The following LRMDA variants were observed in gnomAD, a reference collection of about 807,000 sequenced individuals.
LRMDA encodes leucine-rich melanocyte differentiation-associated protein.
In LRMDA, 18 loss-of-function variants were observed where a neutral mutation model predicts 29.8. The observed-to-expected ratio is 0.60, with a 90% CI of 0.42 to 0.90. LRMDA has a LOEUF of 0.90. Ranked by LOEUF, LRMDA falls within the 40% of genes least tolerant of loss-of-function variation. LRMDA has a pLI of 0.00. For missense variants in LRMDA, 273 were observed against 273.9 expected, an observed-to-expected ratio of 1.00 and a Z score of 0.02; for synonymous variants, 125 against 109.4, an observed-to-expected ratio of 1.14 and a Z score of -0.89.
chr10:75,469,386 T>C (rs1844699434), intron 2 of LRMDA, among the ~76,000 whole-genome samples: 1 of 152,044 alleles, frequency 6.6e-6, no homozygotes, highest in Admixed American at 6.6e-5. Flanking sequence ...CATTGGCAGC[T>C]TCTGGGGCCT....
chr10:75,978,635 G>A lies in LRMDA; in HGVS notation c.132-57373G>A, dbSNP rs76989764. On this transcript the variant is annotated intron_variant, in intron 2 of 6. Coordinates refer to ENST00000611255, the MANE Select transcript of LRMDA (RefSeq NM_001305581.2). ...GCAGTGAACTATCAGTGAGTTTCCAGTATTGTCCTGTGGTTTTGTGACTTG... is the reference window on the plus strand; with the variant it reads ...GCAGTGAACTATCAGTGAGTTTCCAATATTGTCCTGTGGTTTTGTGACTTG... 8.2e-3 allele frequency among the ~76,000 whole-genome samples: 1,255 copies of A among 152,328 alleles called. 16 individuals carry two copies. Among genetic ancestry groups the A allele is most frequent in the African/African-American group, 0.028 (1,174 of 41,562 alleles).
chr10:76,328,558 C>A (rs1395612627), intron 6 of LRMDA, among the ~76,000 whole-genome samples: 1 of 152,136 alleles, frequency 6.6e-6, no homozygotes, highest in East Asian at 1.9e-4. Context: ...TGTCCTTTAC[C>A]CAGTGCGTAT....
intron 2 of LRMDA, among the ~76,000 whole-genome samples, chr10:75,706,893 A>G (rs1406445678): frequency 6.6e-6 from 1 of 152,174 alleles, no homozygotes; most frequent in Non-Finnish European, 1.5e-5. Context: ...TGGGGACCTC[A>G]GTATACTCTT....
intron 6 of LRMDA, among the ~76,000 whole-genome samples, chr10:76,379,715 G>T (rs536387035): frequency 6.6e-6 from 1 of 151,364 alleles, no homozygotes; most frequent in African/African-American, 2.4e-5. Context: ...ATTTTATTTC[G>T]TTCTGCTCTG....
intron 2 of LRMDA, among the ~76,000 whole-genome samples, chr10:75,472,331 T>C (rs528887638): frequency 5.9e-5 from 9 of 152,306 alleles, no homozygotes; most frequent in Non-Finnish European, 1.0e-4. Context: ...ATGCGCCCAT[T>C]ATGTACCAGG....
intron 6 of LRMDA, among the ~76,000 whole-genome samples, chr10:76,350,065 C>T (rs1002383913): frequency 2.0e-5 from 3 of 151,650 alleles, no homozygotes; most frequent in African/African-American, 7.3e-5. Context: ...CTTGAAAGTG[C>T]CAAACAAAAC....
chr10:75,706,987 G>A (rs1233757567), intron 2 of LRMDA, among the ~76,000 whole-genome samples: 1 of 152,160 alleles, frequency 6.6e-6, no homozygotes, highest in African/African-American at 2.4e-5. Flanking sequence ...CTTTTGTAGT[G>A]ATTGTTGTTC....
At chr10:75,776,343 G>A (rs1843311672) in intron 2 of LRMDA, among the ~76,000 whole-genome samples, 1 of 152,226 alleles carries the variant, frequency 6.6e-6, no homozygotes, top group Admixed American at 6.5e-5. Flanking sequence ...CATATTGGAG[G>A]AAGAAGGGAC....
At chr10:76,031,504 T>A (rs924777169) in intron 2 of LRMDA, among the ~76,000 whole-genome samples, 1 of 152,138 alleles carries the variant, frequency 6.6e-6, no homozygotes, top group Non-Finnish European at 1.5e-5. Context: ...GCTCAGTGGA[T>A]GAGGCAGTAC....
intron 2 of LRMDA, among the ~76,000 whole-genome samples, chr10:75,791,192 G>A (rs569772413): frequency 4.6e-5 from 7 of 152,268 alleles, no homozygotes; most frequent in Admixed American, 1.3e-4. Context: ...TCCTGTAGCC[G>A]CATATGAATA....
intron 2 of LRMDA, among the ~76,000 whole-genome samples, chr10:75,471,596 CGTTGTTTTGAGTTCT>C (rs1259063740): frequency 6.6e-6 from 1 of 152,154 alleles, no homozygotes; most frequent in Non-Finnish European, 1.5e-5. Context: ...ATGCTACATA[CGTTGTTTTGAGTTCT>C]GTTGTTTTTC....
intron 2 of LRMDA, among the ~76,000 whole-genome samples, chr10:75,640,899 G>T (rs1226453977): frequency 6.6e-6 from 1 of 152,230 alleles, no homozygotes; most frequent in Non-Finnish European, 1.5e-5. Flanking sequence ...TGGGCCACTT[G>T]CATTGATGTG....
At chr10:76,218,644 C>A (rs959064842) in intron 5 of LRMDA, among the ~76,000 whole-genome samples, 3 of 152,154 alleles carry the variant, frequency 2.0e-5, no homozygotes, top group African/African-American at 7.2e-5. Flanking sequence ...ACAATGAGAT[C>A]TCTTCTTTGG....
chr10:75,462,392 G>T, intron 2 of LRMDA, among the ~76,000 whole-genome samples: 1 of 152,078 alleles, frequency 6.6e-6, no homozygotes, highest in East Asian at 1.9e-4. Context: ...TTTTTTGTTG[G>T]ATCTATTATT....
intron 2 of LRMDA, among the ~76,000 whole-genome samples, chr10:75,691,221 CACATATATGTGTGTGTGTGTGTATG>C: frequency 7.4e-6 from 1 of 135,098 alleles, no homozygotes; most frequent in African/African-American, 2.8e-5. Context: ...TATATATATA[CACATATATGTGTGTGTGTGTGTATG>C]TATGTATGTA....
At chr10:75,516,426 G>GT (rs1845290232) in intron 2 of LRMDA, among the ~76,000 whole-genome samples, 1 of 152,182 alleles carries the variant, frequency 6.6e-6, no homozygotes, top group South Asian at 2.1e-4. Flanking sequence ...TCTCATTGTG[G>GT]TTTTGATTTG....
intron 2 of LRMDA, among the ~76,000 whole-genome samples, chr10:75,730,563 CTT>C (rs1316727907): frequency 6.6e-6 from 1 of 152,204 alleles, no homozygotes; most frequent in Non-Finnish European, 1.5e-5. Flanking sequence ...GCATCTATTG[CTT>C]TTCTCTCATC....
chr10:76,104,355 C>G (rs918297692), intron 5 of LRMDA, among the ~76,000 whole-genome samples: 1 of 152,172 alleles, frequency 6.6e-6, no homozygotes, highest in Non-Finnish European at 1.5e-5. Flanking sequence ...CTTCAACCAC[C>G]AGGCTCCATT....
chr10:76,398,649 C>T (rs1841815609), intron 6 of LRMDA, among the ~76,000 whole-genome samples: 1 of 152,206 alleles, frequency 6.6e-6, no homozygotes, highest in African/African-American at 2.4e-5. Context: ...ATTCAAATTA[C>T]ATTCAGACAT....
Sources: gnomAD v4.1 joint callset for allele counts (sites outside exome capture counted in the v4.1 genomes callset) on GRCh38, gnomAD v4.1.1 for gene constraint, MANE v1.5 for transcripts, NCBI Gene and HGNC (gene_info 2026-07-23, HGNC 2026-07-21) for gene names.